The following WDR89 variants were observed in gnomAD, a reference collection of about 807,000 sequenced individuals.
WDR89 encodes the protein WD repeat-containing protein 89.
In WDR89, 17 loss-of-function variants were observed where a neutral mutation model predicts 29.1. That is an observed-to-expected ratio of 0.58 (90% CI 0.40 to 0.88). The LOEUF is 0.88. Ranked by LOEUF, WDR89 falls within the 40% of genes least tolerant of loss-of-function variation. The probability of loss-of-function intolerance (pLI) is 0.00; values close to 1 mark genes in which losing one functional copy is unlikely to be tolerated. For missense variants in WDR89, 396 were observed against 456.3 expected (o/e 0.87, Z 1.20); for synonymous variants, 138 against 157.8 (o/e 0.87, Z 0.94).
At position 63,599,681 on chromosome 14, in the gene WDR89, C is replaced by T; in HGVS notation, c.262G>A (p.Ala88Thr). 1 of 1,614,214 alleles carries T rather than the reference C, an allele frequency of 6.2e-7. No homozygotes were observed. Among genetic ancestry groups the T allele is most frequent in the Non-Finnish European group, 8.5e-7 (1 of 1,180,030 alleles). The change falls in exon 3 of 3, where the codon GCA (alanine) becomes ACA (threonine). Residue 88 changes from alanine (A) to threonine (T), a missense_variant. Ala to Thr is a moderately conservative substitution (Grantham distance 58, BLOSUM62 0). Coordinates refer to ENST00000620954, the MANE Select transcript of WDR89 (RefSeq NM_080666.4). ...FANSCDSVYS[A>T]CTDGTVKCWD... Reference sequence around the variant, plus strand: ...CATTTCACAGTGCCATCAGTACATGCTGAATATACACTGTCACAGGAATTT... The same window carrying T: ...CATTTCACAGTGCCATCAGTACATGTTGAATATACACTGTCACAGGAATTT...
intron 2 of WDR89, chr14:63,601,478 A>G (rs1455120953): frequency 8.1e-7 from 1 of 1,232,730 alleles, no homozygotes; most frequent in Non-Finnish European, 1.2e-6. Flanking sequence ...TTGACACTAG[A>G]GCAGAGTACG....
intron 2 of WDR89, among the ~76,000 whole-genome samples, chr14:63,609,511 G>A (rs1257952170): frequency 1.3e-5 from 2 of 152,150 alleles, no homozygotes; most frequent in South Asian, 2.1e-4. Flanking sequence ...GCATATGGCC[G>A]GGCGTGGTAG....
chr14:63,638,074 A>T (rs1883856839), intron 1 of WDR89, among the ~76,000 whole-genome samples: 1 of 152,004 alleles, frequency 6.6e-6, no homozygotes, highest in African/African-American at 2.4e-5. Context: ...GCCCCCCAGT[A>T]GCTGGGACTA....
At chr14:63,612,468 C>T (rs1053125787) in intron 2 of WDR89, among the ~76,000 whole-genome samples, 2 of 151,748 alleles carry the variant, frequency 1.3e-5, no homozygotes, top group Non-Finnish European at 2.9e-5. Flanking sequence ...CTCTGCCTCC[C>T]GGGTTCAAGC....
intron 2 of WDR89, among the ~76,000 whole-genome samples, chr14:63,602,671 C>A (rs1176881439): frequency 6.6e-6 from 1 of 150,980 alleles, no homozygotes; most frequent in Non-Finnish European, 1.5e-5. Context: ...ACTCGGGAGG[C>A]TGAGGCAGGA....
intron 1 of WDR89, among the ~76,000 whole-genome samples, chr14:63,636,497 A>G (rs1883746505): frequency 6.6e-6 from 1 of 152,214 alleles, no homozygotes; most frequent in African/African-American, 2.4e-5. Context: ...GAGGCATCAC[A>G]CTAACTGATT....
intron 1 of WDR89, among the ~76,000 whole-genome samples, chr14:63,638,943 G>C (rs1422960891): frequency 3.9e-5 from 6 of 152,166 alleles, no homozygotes; most frequent in Non-Finnish European, 2.9e-5. Context: ...TTGAGATGGA[G>C]AGAGTATCCT....
intron 1 of WDR89, among the ~76,000 whole-genome samples, chr14:63,639,213 T>G (rs1883934189): frequency 6.6e-6 from 1 of 152,054 alleles, no homozygotes; most frequent in Non-Finnish European, 1.5e-5. Flanking sequence ...ACTTCTGACC[T>G]CCAGAACTAA....
At chr14:63,638,121 T>C (rs1198809334) in intron 1 of WDR89, among the ~76,000 whole-genome samples, 1 of 152,132 alleles carries the variant, frequency 6.6e-6, no homozygotes, top group East Asian at 1.9e-4. Flanking sequence ...ATTTTTGTAT[T>C]TTTAGTAGAG....
At chr14:63,611,156 C>T (rs1425517560) in intron 2 of WDR89, among the ~76,000 whole-genome samples, 1 of 151,716 alleles carries the variant, frequency 6.6e-6, no homozygotes, top group African/African-American at 2.4e-5. Flanking sequence ...GGCCAACGTG[C>T]TGAAACCCCA....
intron 1 of WDR89, among the ~76,000 whole-genome samples, chr14:63,634,250 G>A (rs966643956): frequency 1.3e-5 from 2 of 152,102 alleles, no homozygotes; most frequent in Admixed American, 6.6e-5. Context: ...GGCCAGGTGT[G>A]GTGGCTCACA....
At chr14:63,633,015 AG>A (rs1165043410) in intron 1 of WDR89, among the ~76,000 whole-genome samples, 1 of 152,156 alleles carries the variant, frequency 6.6e-6, no homozygotes, top group African/African-American at 2.4e-5. Flanking sequence ...TATATGTTTC[AG>A]TTTCCTGTAG....
chr14:63,611,302 C>G (rs912977100), intron 2 of WDR89, among the ~76,000 whole-genome samples: 1 of 139,514 alleles, frequency 7.2e-6, no homozygotes, highest in African/African-American at 2.7e-5. Context: ...CGTCACTGCA[C>G]TCCAGCTTGG....
intron 2 of WDR89, among the ~76,000 whole-genome samples, chr14:63,622,225 A>T (rs949636096): frequency 2.6e-5 from 4 of 152,200 alleles, no homozygotes; most frequent in African/African-American, 7.2e-5. Flanking sequence ...ACCTGAGGTC[A>T]GGAGTTCAAG....
intron 1 of WDR89, among the ~76,000 whole-genome samples, chr14:63,635,960 A>C (rs544879027): frequency 4.6e-5 from 7 of 152,358 alleles, no homozygotes; most frequent in South Asian, 4.1e-4. Context: ...TAATCCCAGC[A>C]CTTTGGAAGG....
In WDR89 at chr14:63,627,144, A is replaced by ACTCTCT. The variant is rs1471637626; in HGVS notation, c.-137-2112_-137-2111insAGAGAG. ...TCTAAACACACACACACACACACACACACACACTCTCTCTCTCTCTCTCTC... is the reference window on the plus strand; with the variant it reads ...TCTAAACACACACACACACACACACACTCTCTCACACACTCTCTCTCTCTCTCTCTC... On this transcript the variant is annotated intron_variant, in intron 1 of 2. Transcript: ENST00000620954. Among the ~76,000 whole-genome samples the ACTCTCT allele has an allele frequency of 4.8e-3, 625 of 131,408 alleles. 1 individual carries two copies. Among genetic ancestry groups the ACTCTCT allele is most frequent in the Non-Finnish European group, 7.3e-3 (462 of 63,598 alleles). 86.2% of individuals were successfully genotyped at this position (131,408 alleles called of 152,430 possible).
chr14:63,635,851 C>T (rs1215304251), intron 1 of WDR89, among the ~76,000 whole-genome samples: 1 of 152,176 alleles, frequency 6.6e-6, no homozygotes, highest in Non-Finnish European at 1.5e-5. Flanking sequence ...AGCAGAGAAT[C>T]AAATCAAGAA....
chr14:63,634,299 A>G (rs1883592732), intron 1 of WDR89, among the ~76,000 whole-genome samples: 1 of 152,186 alleles, frequency 6.6e-6, no homozygotes, highest in Admixed American at 6.5e-5. Context: ...AGGCGGGTGG[A>G]TCACCTGATG....
At chr14:63,628,315 G>T (rs970969156) in intron 1 of WDR89, among the ~76,000 whole-genome samples, 1 of 152,180 alleles carries the variant, frequency 6.6e-6, no homozygotes, top group Non-Finnish European at 1.5e-5. Flanking sequence ...TATCTGATGA[G>T]AATTTTCGCT....
Sources: gnomAD v4.1 joint callset for allele counts (sites outside exome capture counted in the v4.1 genomes callset) on GRCh38, gnomAD v4.1.1 for gene constraint, MANE v1.5 for transcripts, NCBI Gene and HGNC (gene_info 2026-07-23, HGNC 2026-07-21) for gene names.